The following MGAT5 variants were observed in gnomAD, a reference collection of about 807,000 sequenced individuals.
The protein encoded by MGAT5 is alpha-1,6-mannosylglycoprotein 6-beta-N-acetylglucosaminyltransferase A.
MGAT5 carries 30 observed loss-of-function variants against 94.3 expected under a neutral mutation model. That is an observed-to-expected ratio of 0.32 (90% CI 0.24 to 0.43). The LOEUF (loss-of-function observed/expected upper bound fraction) is 0.43, where lower values mean the gene tolerates loss of function less well. MGAT5 is among the 20% of genes least tolerant of loss of function. The pLI, the probability that MGAT5 is intolerant of heterozygous loss-of-function variation, is 1.00. For synonymous variants in MGAT5, 310 were observed against 322.9 expected (o/e 0.96, Z 0.43); for missense variants, 691 against 905.5 (o/e 0.76, Z 3.04).
At chr2:134,224,638 G>GTC (rs1055695807) in intron 1 of MGAT5, among the ~76,000 whole-genome samples, 49 of 152,284 alleles carry the variant, frequency 3.2e-4, no homozygotes, top group African/African-American at 1.2e-3. Flanking sequence ...AGTTACACCA[G>GTC]TCTAGGTCTC....
chr2:134,406,949 T>G (rs2106312323), intron 11 of MGAT5, among the ~76,000 whole-genome samples: 1 of 152,264 alleles, frequency 6.6e-6, no homozygotes, highest in South Asian at 2.1e-4. Context: ...TGCAGCTGCA[T>G]GAGGGCAGAG....
chr2:134,325,992 G>T (rs1239514071), intron 4 of MGAT5, among the ~76,000 whole-genome samples: 2 of 149,786 alleles, frequency 1.3e-5, no homozygotes, highest in African/African-American at 2.5e-5. Context: ...CATGGATAAT[G>T]GTATTATATA....
At chr2:134,379,593 C>T (rs1171386336) in intron 10 of MGAT5, among the ~76,000 whole-genome samples, 1 of 152,204 alleles carries the variant, frequency 6.6e-6, no homozygotes, top group Non-Finnish European at 1.5e-5. Flanking sequence ...TGAGTGCTGC[C>T]TCTGATGGGA....
intron 1 of MGAT5, among the ~76,000 whole-genome samples, chr2:134,147,725 C>T (rs973070313): frequency 6.6e-6 from 1 of 152,098 alleles, no homozygotes; most frequent in African/African-American, 2.4e-5. Flanking sequence ...ATAGAATCAG[C>T]GTTGGGATGA....
intron 1 of MGAT5, among the ~76,000 whole-genome samples, chr2:134,219,098 T>C (rs1573545887): frequency 6.6e-6 from 1 of 150,640 alleles, no homozygotes; most frequent in African/African-American, 2.4e-5. Context: ...CCCAGGGAGG[T>C]GTGAGTGCGG....
intron 14 of MGAT5, among the ~76,000 whole-genome samples, chr2:134,432,907 G>A (rs1050608771): frequency 2.0e-5 from 3 of 152,204 alleles, no homozygotes; most frequent in Non-Finnish European, 2.9e-5. Flanking sequence ...ACCAACCAAG[G>A]TGTGTTTTTC....
chr2:134,440,804 G>T (rs530766658), intron 14 of MGAT5, among the ~76,000 whole-genome samples: 1 of 152,080 alleles, frequency 6.6e-6, no homozygotes, highest in Non-Finnish European at 1.5e-5. Context: ...TTTTCACTTC[G>T]CAAATGTGTA....
At chr2:134,239,549 C>T (rs1007420361) in intron 1 of MGAT5, among the ~76,000 whole-genome samples, 4 of 152,150 alleles carry the variant, frequency 2.6e-5, no homozygotes, top group Non-Finnish European at 5.9e-5. Flanking sequence ...TTCTTACCTA[C>T]CCTCTGACTC....
intron 1 of MGAT5, among the ~76,000 whole-genome samples, chr2:134,239,890 T>C (rs1681877334): frequency 6.6e-6 from 1 of 152,168 alleles, no homozygotes; most frequent in African/African-American, 2.4e-5. Context: ...GTGGGATTTA[T>C]ACAAAAAATT....
At chr2:134,269,277 G>A (rs1006380592) in intron 1 of MGAT5, among the ~76,000 whole-genome samples, 1 of 152,178 alleles carries the variant, frequency 6.6e-6, no homozygotes, top group African/African-American at 2.4e-5. Flanking sequence ...GCTGTGATCT[G>A]TGCTGTTTAT....
Position 134,349,886 on chromosome 2 carries a change from G to A in MGAT5, c.1194G>A (p.Lys398=). The change falls in exon 9 of 16, where the codon AAG becomes AAA. Residue 398 remains lysine, a synonymous_variant. Transcript: ENST00000281923. The stretch of plus-strand genomic sequence containing the variant: ...ATTATGCCCAATCGAAAGGCCACAA[G>A]ACCCCTTGGGGAAAATGGAATCTGA... ...HANYAQSKGH[K]TPWGKWNLNP... 1 of 1,613,582 alleles carries A rather than the reference G, an allele frequency of 6.2e-7. No homozygotes were observed. The highest frequency in any genetic ancestry group is 1.1e-5 in the South Asian group (1 of 91,072).
At chr2:134,432,069 T>G (rs995080852) in intron 14 of MGAT5, among the ~76,000 whole-genome samples, 1 of 152,248 alleles carries the variant, frequency 6.6e-6, no homozygotes, top group Non-Finnish European at 1.5e-5. Flanking sequence ...GATCAAGCAC[T>G]GTTGTTCCCT....
intron 15 of MGAT5, 22 bp from the exon 16 acceptor site, chr2:134,448,627 G>C: frequency 6.2e-7 from 1 of 1,612,828 alleles, no homozygotes; most frequent in Non-Finnish European, 8.5e-7. Flanking sequence ...ACCAACACTT[G>C]TGCCTTTCTC....
chr2:134,202,627 C>T (rs1397130427), intron 1 of MGAT5, among the ~76,000 whole-genome samples: 5 of 152,254 alleles, frequency 3.3e-5, no homozygotes, highest in African/African-American at 1.2e-4. Context: ...TACAGCCCAG[C>T]TCACTTTGTG....
chr2:134,221,865 A>C (rs933206398), intron 1 of MGAT5, among the ~76,000 whole-genome samples: 2 of 152,110 alleles, frequency 1.3e-5, no homozygotes, highest in African/African-American at 2.4e-5. Context: ...GCAAGATAAA[A>C]AATCAGAGCT....
At chr2:134,167,476 G>T (rs1688015264) in intron 1 of MGAT5, among the ~76,000 whole-genome samples, 1 of 152,170 alleles carries the variant, frequency 6.6e-6, no homozygotes, top group South Asian at 2.1e-4. Flanking sequence ...CAGAGTTTCC[G>T]ATTGAGTGGG....
intron 1 of MGAT5, among the ~76,000 whole-genome samples, chr2:134,191,358 A>C (rs1689366364): frequency 6.6e-6 from 1 of 152,216 alleles, no homozygotes; most frequent in African/African-American, 2.4e-5. Flanking sequence ...AGTCATGCAG[A>C]CTCAACCCTC....
chr2:134,255,522 C>T (rs375920043), intron 1 of MGAT5, among the ~76,000 whole-genome samples: 2 of 150,598 alleles, frequency 1.3e-5, no homozygotes, highest in South Asian at 2.1e-4. Flanking sequence ...TATATATACA[C>T]ACACATATAT....
rs542720934 is a variant in MGAT5, at chr2:134,145,307, G to C, written c.-143+25016G>C. On this transcript the variant is annotated intron_variant, in intron 1 of 16. Transcript: ENST00000409645. ...CACGCCTGTAATCCCAGCACTTTGG[G>C]AGGCTGAGGCAGGCAGATCACGAAG... is the stretch of plus-strand genomic sequence containing the variant. Among the ~76,000 whole-genome samples the C allele has an allele frequency of 6.6e-5, 10 of 152,204 alleles. No individual in the cohort carries two copies. The East Asian group carries it at 1.9e-3, about 29-fold the overall frequency.
Sources: allele counts gnomAD v4.1 joint callset (sites outside exome capture counted in the v4.1 genomes callset), GRCh38; gene constraint gnomAD v4.1.1; transcripts MANE v1.5; gene names NCBI Gene and HGNC (gene_info 2026-07-23, HGNC 2026-07-21).